Variants in SNX14 observed in about 807,000 individuals in gnomAD.
SNX14 encodes the protein sorting nexin-14.
A neutral mutation model predicts 133.8 loss-of-function variants in SNX14; 93 were observed. The observed-to-expected ratio is 0.70, with a 90% CI of 0.59 to 0.83. SNX14 has a LOEUF of 0.83. Among genes scored for constraint, SNX14 ranks in the 40% least tolerant of loss-of-function variants. SNX14 has a pLI of 0.00. For missense variants in SNX14, 945 were observed against 1,094.9 expected, an observed-to-expected ratio of 0.86 and a Z score of 1.93; for synonymous variants, 368 against 365.6, an observed-to-expected ratio of 1.01 and a Z score of -0.07.
chr6:85,584,780 A>G (rs988012226), intron 1 of SNX14, among the ~76,000 whole-genome samples: 8 of 152,192 alleles, frequency 5.3e-5, no homozygotes, highest in Non-Finnish European at 1.2e-4. Context: ...GAGAAACAGG[A>G]ACACTTTTAC....
At position 85,567,603 on chromosome 6, in the gene SNX14, A is replaced by T. The variant is rs1794287463; in HGVS notation, c.418-26T>A. The T allele has an allele frequency of 4.1e-6, 6 of 1,456,100 alleles. No individual in the cohort carries two copies. In the Admixed American group the frequency reaches 1.0e-4, roughly 25 times the overall value. The allele number at this position is 1,456,100 out of a possible 1,614,324, so 90.2% of individuals were successfully genotyped here. A position where few individuals can be genotyped will look rare whatever the true frequency, so the allele number is the denominator to read the frequency against. ...CTGCATAAACAATTATTTTTTAAAG[A>T]AAAATAAAATTAATTAGTTTTTGGA... On this transcript the variant is annotated intron_variant, in intron 4 of 28. Transcript: ENST00000314673.
intron 21 of SNX14, among the ~76,000 whole-genome samples, chr6:85,523,033 G>A (rs2127931336): frequency 6.6e-6 from 1 of 152,272 alleles, no homozygotes; most frequent in Non-Finnish European, 1.5e-5. Context: ...TTCAAAAATG[G>A]GTAATATGGA....
At position 85,514,164 on chromosome 6, in the gene SNX14, G is replaced by A; in HGVS notation, c.2463C>T (p.Asn821=). The A allele has an allele frequency of 1.9e-6, 3 of 1,614,022 alleles. No homozygotes were observed. Among genetic ancestry groups the A allele is most frequent in the Non-Finnish European group, 2.5e-6 (3 of 1,179,946 alleles). ...LLMGTRILFK[N]TLEMYTDYYL... is the part of the protein sequence containing the mutation. ...AGTAATCAGTATACATTTCCAGGGT[G>A]TTTTTAAAGAGGATTCGAGTTCCCA... Residue 821 remains asparagine (N), a synonymous_variant, in exon 25 of 29, where the codon AAC becomes AAT. Transcript: ENST00000314673.
chr6:85,542,267 A>C (rs1003966270), intron 14 of SNX14, among the ~76,000 whole-genome samples: 1 of 152,236 alleles, frequency 6.6e-6, no homozygotes, highest in Non-Finnish European at 1.5e-5. Context: ...GCGTCACTGC[A>C]GTACTACAAA....
At chr6:85,546,650 C>A (rs1362481856) in intron 12 of SNX14, among the ~76,000 whole-genome samples, 5 of 151,822 alleles carry the variant, frequency 3.3e-5, no homozygotes, top group Admixed American at 3.3e-4. Context: ...TTGAGAGAAA[C>A]CCACATATGC....
At chr6:85,513,644 G>C (rs944139046) in intron 26 of SNX14, among the ~76,000 whole-genome samples, 156 bp downstream of exon 26, 1 of 152,178 alleles carries the variant, frequency 6.6e-6, no homozygotes, top group African/African-American at 2.4e-5. Context: ...ACATCTGAAA[G>C]AATTATTTAA....
chr6:85,563,708 T>C (rs1337257028), intron 6 of SNX14, among the ~76,000 whole-genome samples: 1 of 152,032 alleles, frequency 6.6e-6, no homozygotes, highest in East Asian at 1.9e-4. Context: ...AAATATTTTT[T>C]AAAGTAGATC....
At chr6:85,572,057 A>C (rs965137950) in intron 4 of SNX14, 80 bp downstream of exon 4, 2 of 1,227,132 alleles carry the variant, frequency 1.6e-6, no homozygotes, top group Admixed American at 4.3e-5. Context: ...CCATGATTAA[A>C]TTTTTTGATT....
chr6:85,576,666 G>A (rs1220257870), intron 1 of SNX14, among the ~76,000 whole-genome samples: 2 of 152,122 alleles, frequency 1.3e-5, no homozygotes, highest in Non-Finnish European at 2.9e-5. Context: ...AATTCAGAGA[G>A]GAGAAAAAGG....
At chr6:85,579,101 A>G (rs1385557529) in intron 1 of SNX14, among the ~76,000 whole-genome samples, 5 of 151,938 alleles carry the variant, frequency 3.3e-5, no homozygotes, top group Non-Finnish European at 7.4e-5. Context: ...TCACGCCACT[A>G]TACTCCAGCC....
intron 5 of SNX14, 124 bp downstream of exon 5, chr6:85,567,410 G>T: frequency 2.8e-6 from 2 of 701,762 alleles, no homozygotes; most frequent in Non-Finnish European, 2.3e-6. Context: ...AATTATTTTG[G>T]CTAAAAGGTC....
intron 1 of SNX14, among the ~76,000 whole-genome samples, chr6:85,582,765 T>C (rs909554884): frequency 2.0e-5 from 3 of 152,120 alleles, no homozygotes; most frequent in African/African-American, 7.2e-5. Context: ...AGTTCTGAAA[T>C]TGAGGCAGTA....
At chr6:85,512,457 A>C (rs1773265640) in intron 26 of SNX14, among the ~76,000 whole-genome samples, 1 of 152,084 alleles carries the variant, frequency 6.6e-6, no homozygotes, top group South Asian at 2.1e-4. Flanking sequence ...CCCCATCTCC[A>C]CTAAAAATAC....
intron 1 of SNX14, among the ~76,000 whole-genome samples, chr6:85,589,859 TTCTC>T (rs1196161731): frequency 1.3e-5 from 2 of 152,360 alleles, no homozygotes; most frequent in East Asian, 3.9e-4. Context: ...TTTCATGATG[TTCTC>T]TCTATTGGAG....
intron 27 of SNX14, among the ~76,000 whole-genome samples, chr6:85,507,710 G>A (rs1467161392): frequency 2.0e-5 from 3 of 151,954 alleles, no homozygotes; most frequent in South Asian, 2.1e-4. Flanking sequence ...ATTTTTTACT[G>A]TATTTCATGA....
chr6:85,517,646 T>C (rs1775490100), intron 23 of SNX14, 110 bp downstream of exon 23: 1 of 1,260,512 alleles, frequency 7.9e-7, no homozygotes, highest in Non-Finnish European at 1.1e-6. Flanking sequence ...AAAGGAAATG[T>C]ATAGCTCAAT....
At chr6:85,567,610 A>G in intron 4 of SNX14, 33 bp from the exon 5 acceptor site, 1 of 1,412,348 alleles carries the variant, frequency 7.1e-7, no homozygotes, top group Non-Finnish European at 9.5e-7. Flanking sequence ...AAGAAAAATA[A>G]AATTAATTAG....
chr6:85,516,358 T>C (rs899912045), intron 23 of SNX14, among the ~76,000 whole-genome samples: 19 of 152,302 alleles, frequency 1.2e-4, no homozygotes, highest in Admixed American at 8.5e-4. Context: ...ATGAGTTCAA[T>C]AGGTTATATT....
chr6:85,530,222 C>T lies in SNX14; in HGVS notation c.1864G>A (p.Val622Ile). 6.2e-7 allele frequency: 1 copy of T among 1,600,312 alleles called. No individual in the cohort carries two copies. Among genetic ancestry groups the T allele is most frequent in the Non-Finnish European group, 8.5e-7 (1 of 1,173,600 alleles). ...AATTCTGTTAGTTTTGATTCAAGTA[C>T]ATAGAATTCAAGATATCTTCTATAG... ...SVYRRYLEFY[V>I]LESKLTEFHG... The change falls in exon 19 of 29, where the codon GTA becomes ATA. Residue 622 changes from valine (V) to isoleucine (I), a missense_variant. Val to Ile is a conservative substitution (Grantham distance 29). Transcript: ENST00000314673.
Sources: gnomAD v4.1 joint callset for allele counts (sites outside exome capture counted in the v4.1 genomes callset) on GRCh38, gnomAD v4.1.1 for gene constraint, MANE v1.5 for transcripts, NCBI Gene and HGNC (gene_info 2026-07-23, HGNC 2026-07-21) for gene names.